The following LIMS1 variants were observed in gnomAD, a reference collection of about 807,000 sequenced individuals.
The protein encoded by LIMS1 is LIM zinc finger domain containing 1, also known as LIM and senescent cell antigen-like-containing domain protein 1.
LIMS1 carries 18 observed loss-of-function variants against 44.1 expected under a neutral mutation model. The ratio of observed to expected loss-of-function variants is 0.41; its 90% CI spans 0.28 to 0.61. The LOEUF (loss-of-function observed/expected upper bound fraction) is 0.61. Ranked by LOEUF, LIMS1 falls within the 20% of genes least tolerant of loss-of-function variation. The probability of loss-of-function intolerance (pLI) is 0.32; values close to 1 mark genes in which losing one functional copy is unlikely to be tolerated. For synonymous variants in LIMS1, 93 were observed against 149.1 expected (o/e 0.62, Z 2.74); for missense variants, 201 against 422.0 (o/e 0.48, Z 4.59).
At position 108,615,117 on chromosome 2, in the gene LIMS1, G is replaced by A. The variant is rs141057468; in HGVS notation, c.33-44488G>A. Among the ~76,000 whole-genome samples, 555 of 152,136 alleles carry A rather than the reference G, an allele frequency of 3.6e-3. 3 individuals carry two copies. The highest frequency in any genetic ancestry group is 6.8e-3 in the Middle Eastern group (2 of 294). On this transcript the variant is annotated intron_variant, in intron 1 of 9. Coordinates refer to ENST00000544547, the Ensembl canonical transcript of LIMS1. ...TGTATAGTTGGTGGTCAGGCAGAAC[G>A]GATAGAAACAATATCTAAAAAGTGA...
chr2:108,553,742 C>T (rs1457693267), intron 1 of LIMS1, among the ~76,000 whole-genome samples: 1 of 152,202 alleles, frequency 6.6e-6, no homozygotes, highest in East Asian at 1.9e-4. Flanking sequence ...TCAGGCCGTA[C>T]ACCCCCAGAA....
chr2:108,668,095 C>A (rs1384805068), intron 2 of LIMS1, among the ~76,000 whole-genome samples: 2 of 152,086 alleles, frequency 1.3e-5, no homozygotes, highest in African/African-American at 4.8e-5. Context: ...TAATTACACA[C>A]ATGGGGCACA....
At chr2:108,558,265 T>A (rs957060005) in intron 1 of LIMS1, among the ~76,000 whole-genome samples, 3 of 151,766 alleles carry the variant, frequency 2.0e-5, no homozygotes, top group Non-Finnish European at 4.4e-5. Context: ...TCGCCCAGGC[T>A]GGAGTGCAGT....
chr2:108,606,477 G>A (rs917689222), intron 1 of LIMS1, among the ~76,000 whole-genome samples: 29 of 152,170 alleles, frequency 1.9e-4, no homozygotes, highest in Middle Eastern at 3.2e-3. Context: ...GTGTGTATAC[G>A]TTAGTAAGAA....
chr2:108,600,386 G>A (rs573536990), intron 1 of LIMS1, among the ~76,000 whole-genome samples: 50 of 152,026 alleles, frequency 3.3e-4, no homozygotes, highest in African/African-American at 1.2e-3. Flanking sequence ...GATCCCATTT[G>A]TGCATTTTTG....
chr2:108,650,855 T>C (rs1326203451), intron 1 of LIMS1, among the ~76,000 whole-genome samples: 3 of 124,556 alleles, frequency 2.4e-5, no homozygotes. Context: ...ATGACTTTTA[T>C]TTATTTATTC....
chr2:108,619,634 A>C (rs894119867), intron 1 of LIMS1, among the ~76,000 whole-genome samples: 2 of 152,184 alleles, frequency 1.3e-5, no homozygotes, highest in African/African-American at 4.8e-5. Context: ...CAGTGAGCCG[A>C]GATTATGCCA....
intron 1 of LIMS1, among the ~76,000 whole-genome samples, chr2:108,591,292 A>C (rs1294167263): frequency 2.0e-5 from 3 of 152,110 alleles, no homozygotes; most frequent in South Asian, 2.1e-4. Context: ...GTAATGCCAG[A>C]TGTGTGAACA....
chr2:108,642,358 G>GTTTTTTTTTTTTTTT (rs1199203526), intron 1 of LIMS1, among the ~76,000 whole-genome samples: 1 of 18,462 alleles, frequency 5.4e-5, no homozygotes, highest in Non-Finnish European at 1.7e-4. Context: ...TTTTTTTTTT[G>GTTTTTTTTTTTTTTT]TTTTTTGTTT....
chr2:108,538,927 G>A (rs1431595883), intron 1 of LIMS1, among the ~76,000 whole-genome samples: 2 of 152,142 alleles, frequency 1.3e-5, no homozygotes, highest in African/African-American at 2.4e-5. Flanking sequence ...GTGTATCTGG[G>A]TTTACCTTAT....
intron 8 of LIMS1, among the ~76,000 whole-genome samples, chr2:108,678,764 C>G (rs947416030): frequency 2.6e-5 from 4 of 152,174 alleles, no homozygotes; most frequent in South Asian, 2.1e-4. Context: ...ATCATCAGCT[C>G]TGGAAAAAAG....
At chr2:108,593,392 C>G (rs1686506165) in intron 1 of LIMS1, among the ~76,000 whole-genome samples, 1 of 152,148 alleles carries the variant, frequency 6.6e-6, no homozygotes, top group Admixed American at 6.6e-5. Context: ...CTTTCCTTCT[C>G]ACCGCCTGCC....
intron 8 of LIMS1, chr2:108,678,692 T>TA (rs1378058497): frequency 1.3e-5 from 2 of 152,176 alleles, no homozygotes; most frequent in Non-Finnish European, 2.9e-5. Context: ...AAATAAAACT[T>TA]ACCTCCCTCC....
intron 1 of LIMS1, among the ~76,000 whole-genome samples, chr2:108,614,700 C>T (rs374004953): frequency 1.1e-4 from 17 of 152,242 alleles, no homozygotes; most frequent in African/African-American, 3.6e-4. Context: ...ATATCAGAAA[C>T]GTGGCCACAC....
At chr2:108,596,915 G>GTTTTTTTTTTTTTTTT (rs34313967) in intron 1 of LIMS1, among the ~76,000 whole-genome samples, 3 of 68,444 alleles carry the variant, frequency 4.4e-5, no homozygotes, top group South Asian at 7.7e-4. Context: ...CGAAACATCT[G>GTTTTTTTTTTTTTTTT]TTTTTTTTTT....
intron 1 of LIMS1, among the ~76,000 whole-genome samples, chr2:108,565,105 C>T (rs74805551): frequency 0.056 from 8,552 of 152,280 alleles, 250 homozygotes; most frequent in African/African-American, 0.07. Flanking sequence ...CTCTGGAATA[C>T]TTGATTCTCT....
chr2:108,573,412 TGAAAG>T (rs1422077155), intron 1 of LIMS1, among the ~76,000 whole-genome samples: 1 of 151,978 alleles, frequency 6.6e-6, no homozygotes, highest in African/African-American at 2.4e-5. Flanking sequence ...GCGTAAGAAA[TGAAAG>T]GAAACTAACA....
At chr2:108,648,627 A>C (rs1214262154) in intron 1 of LIMS1, among the ~76,000 whole-genome samples, 1 of 152,228 alleles carries the variant, frequency 6.6e-6, no homozygotes, top group Non-Finnish European at 1.5e-5. Context: ...ACTTATACCA[A>C]AACAGATATA....
intron 1 of LIMS1, among the ~76,000 whole-genome samples, chr2:108,569,819 T>C (rs1685426083): frequency 1.4e-5 from 2 of 140,974 alleles, no homozygotes; most frequent in African/African-American, 5.0e-5. Flanking sequence ...CAGGCTGATC[T>C]TGAACTCCTG....
Sources: allele counts gnomAD v4.1 joint callset (sites outside exome capture counted in the v4.1 genomes callset), GRCh38; gene constraint gnomAD v4.1.1; transcripts MANE v1.5; gene names NCBI Gene and HGNC (gene_info 2026-07-23, HGNC 2026-07-21).